The following EPHA3 variants were observed in gnomAD, a reference collection of about 807,000 sequenced individuals.
EPHA3 encodes the protein ephrin type-A receptor 3.
Under a neutral mutation model 107.1 loss-of-function variants are expected in EPHA3, and 42 were observed. That is an observed-to-expected ratio of 0.39 (90% CI 0.31 to 0.51). The LOEUF (loss-of-function observed/expected upper bound fraction) is 0.51, where lower values mean the gene tolerates loss of function less well. Among genes scored for constraint, EPHA3 ranks in the 20% least tolerant of loss-of-function variants. EPHA3 has a pLI of 0.78. For missense variants in EPHA3, 1,183 were observed against 1,211.2 expected (o/e 0.98, Z 0.35); for synonymous variants, 461 against 424.8 (o/e 1.09, Z -1.05).
chr3:89,420,154 G>C (rs1709328130), intron 11 of EPHA3, among the ~76,000 whole-genome samples: 1 of 151,478 alleles, frequency 6.6e-6, no homozygotes, highest in African/African-American at 2.4e-5. Flanking sequence ...TGAAGAATAA[G>C]TGAAATTGGC....
intron 3 of EPHA3, among the ~76,000 whole-genome samples, chr3:89,338,046 G>A (rs577499893): frequency 3.9e-5 from 6 of 152,228 alleles, no homozygotes; most frequent in African/African-American, 1.4e-4. Context: ...CATCTTGTTA[G>A]AAAACAAAAA....
At chr3:89,155,887 T>C (rs1447156744) in intron 2 of EPHA3, among the ~76,000 whole-genome samples, 1 of 152,058 alleles carries the variant, frequency 6.6e-6, no homozygotes, top group Non-Finnish European at 1.5e-5. Flanking sequence ...CAAGTCGTAC[T>C]GCAGTGGTAG....
chr3:89,288,601 G>A (rs1261404237), intron 3 of EPHA3, among the ~76,000 whole-genome samples: 1 of 152,068 alleles, frequency 6.6e-6, no homozygotes, highest in Non-Finnish European at 1.5e-5. Flanking sequence ...GTGGAAAAGG[G>A]TTGCTATCAC....
chr3:89,441,307 A>T (rs1709779565), intron 13 of EPHA3, among the ~76,000 whole-genome samples: 1 of 152,206 alleles, frequency 6.6e-6, no homozygotes, highest in African/African-American at 2.4e-5. Flanking sequence ...TTAGCTTCTG[A>T]TTCTGTTAAG....
At chr3:89,366,796 G>A (rs1708192293) in intron 5 of EPHA3, among the ~76,000 whole-genome samples, 2 of 150,562 alleles carry the variant, frequency 1.3e-5, no homozygotes, top group African/African-American at 2.4e-5. Flanking sequence ...CCTAATGAGG[G>A]TGGGGAATTG....
intron 2 of EPHA3, among the ~76,000 whole-genome samples, chr3:89,183,922 T>G (rs1705501514): frequency 6.6e-6 from 1 of 152,018 alleles, no homozygotes; most frequent in Non-Finnish European, 1.5e-5. Context: ...TTGAAATGAT[T>G]ATGTAAATGA....
At chr3:89,307,768 G>A (rs2107355976) in intron 3 of EPHA3, among the ~76,000 whole-genome samples, 1 of 152,192 alleles carries the variant, frequency 6.6e-6, no homozygotes, top group East Asian at 1.9e-4. Flanking sequence ...GCCCAGGTTG[G>A]TCTTGAACTC....
chr3:89,210,467 T>C lies in EPHA3; in HGVS notation c.761T>C (p.Ile254Thr). ...CSTEGEWLVP[I>T]GKCSCNAGYE... ...ACAGAAGGCGAATGGCTTGTACCCA[T>C]TGGCAAGTGTTCCTGCAATGCTGGC... The change falls in exon 3 of 17, where the codon ATT becomes ACT. Residue 254 changes from isoleucine (I) to threonine (T), a missense_variant. Physicochemically the swap from Ile to Thr is moderately conservative, Grantham distance 89. Transcript: ENST00000336596. 3 of 1,590,152 alleles carry C rather than the reference T, an allele frequency of 1.9e-6. No individual in the cohort carries two copies. The highest frequency in any genetic ancestry group is 2.6e-6 in the Non-Finnish European group (3 of 1,171,334).
At chr3:89,348,536 A>C (rs1443225313) in intron 5 of EPHA3, among the ~76,000 whole-genome samples, 2 of 139,112 alleles carry the variant, frequency 1.4e-5, no homozygotes, top group East Asian at 2.0e-4. Context: ...CTAGCGGTCT[A>C]TCAATTTTGT....
chr3:89,254,963 C>G (rs73849219), intron 3 of EPHA3, among the ~76,000 whole-genome samples: 5,445 of 152,166 alleles, frequency 0.036, 334 homozygotes, highest in African/African-American at 0.12. Flanking sequence ...GAGAAGGAGA[C>G]TTCTGTTATA....
intron 3 of EPHA3, among the ~76,000 whole-genome samples, chr3:89,245,547 A>T (rs1297304864): frequency 6.6e-6 from 1 of 152,224 alleles, no homozygotes; most frequent in Non-Finnish European, 1.5e-5. Context: ...GAGAAAGAGA[A>T]ATTTAAAGAT....
chr3:89,182,038 T>A (rs1705454072), intron 2 of EPHA3, among the ~76,000 whole-genome samples: 1 of 151,786 alleles, frequency 6.6e-6, no homozygotes, highest in Non-Finnish European at 1.5e-5. Flanking sequence ...TTTTTTTTTT[T>A]ACTATGGTTT....
At chr3:89,109,257 C>T (rs1184591886) in intron 1 of EPHA3, among the ~76,000 whole-genome samples, 1 of 151,790 alleles carries the variant, frequency 6.6e-6, no homozygotes, top group Non-Finnish European at 1.5e-5. Flanking sequence ...TTTTACAAAC[C>T]AAATTAAAAT....
At chr3:89,267,182 CAGTGGGT>C (rs1705558188) in intron 3 of EPHA3, among the ~76,000 whole-genome samples, 1 of 151,934 alleles carries the variant, frequency 6.6e-6, no homozygotes, top group Non-Finnish European at 1.5e-5. Flanking sequence ...AAATCAGGAG[CAGTGGGT>C]AAAGTAAGCT....
At chr3:89,370,015 T>C (rs1190874318) in intron 5 of EPHA3, among the ~76,000 whole-genome samples, 2 of 150,540 alleles carry the variant, frequency 1.3e-5, no homozygotes, top group Non-Finnish European at 3.0e-5. Context: ...CAGCAGGTGC[T>C]GGAGAGGATG....
intron 3 of EPHA3, among the ~76,000 whole-genome samples, chr3:89,305,824 A>G (rs1229297780): frequency 6.6e-6 from 1 of 152,184 alleles, no homozygotes. Context: ...TTTTGTGTTA[A>G]TCAACTTCCT....
At chr3:89,281,980 A>G (rs560053746) in intron 3 of EPHA3, among the ~76,000 whole-genome samples, 104 of 152,318 alleles carry the variant, frequency 6.8e-4, no homozygotes, top group African/African-American at 2.3e-3. Context: ...AATTTATCTG[A>G]TAAAATTATG....
chr3:89,286,392 T>C (rs1706084170), intron 3 of EPHA3, among the ~76,000 whole-genome samples: 1 of 152,008 alleles, frequency 6.6e-6, no homozygotes, highest in South Asian at 2.1e-4. Context: ...ATCATCTGAT[T>C]AATGTTTCCT....
At chr3:89,147,196 A>C (rs1439823221) in intron 2 of EPHA3, among the ~76,000 whole-genome samples, 3 of 151,774 alleles carry the variant, frequency 2.0e-5, no homozygotes, top group Non-Finnish European at 4.4e-5. Flanking sequence ...GGGTGGGGGT[A>C]AGGGAAGGCA....
Sources: gnomAD v4.1 joint callset for allele counts (sites outside exome capture counted in the v4.1 genomes callset) on GRCh38, gnomAD v4.1.1 for gene constraint, MANE v1.5 for transcripts, NCBI Gene and HGNC (gene_info 2026-07-23, HGNC 2026-07-21) for gene names.